The following LOXL1 variants were observed in gnomAD, a reference collection of about 807,000 sequenced individuals.
The protein encoded by LOXL1 is lysyl oxidase homolog 1.
LOXL1 carries 31 observed loss-of-function variants against 62.2 expected under a neutral mutation model. That is an observed-to-expected ratio of 0.50 (90% CI 0.37 to 0.67). The LOEUF is 0.67. Ranked by LOEUF, LOXL1 falls within the 30% of genes least tolerant of loss-of-function variation. The pLI is 0.00. For missense variants in LOXL1, 775 were observed against 843.4 expected (o/e 0.92, Z 1.00); for synonymous variants, 403 against 384.4 (o/e 1.05, Z -0.56).
At chr15:73,941,922 C>T in intron 1 of LOXL1, 1 of 238,078 alleles carries the variant, frequency 4.2e-6, no homozygotes, top group Admixed American at 4.4e-5. Context: ...GGTGGAGGGG[C>T]AGGAACAGGA....
rs527892506 is a variant in LOXL1 at position 73,949,368 on chromosome 15, T to G, written c.1603-91T>G. On this transcript the variant is annotated intron_variant, in intron 5 of 6. Transcript: ENST00000261921. ...TCTCTCTGTCACCTCTCTGTCTGTCTGTCTGCCTCTTTACCACCTTCTCTG... is the reference window on the plus strand; with the variant it reads ...TCTCTCTGTCACCTCTCTGTCTGTCGGTCTGCCTCTTTACCACCTTCTCTG... 3.7e-5 allele frequency: 29 copies of G among 777,724 alleles called. No individual in the cohort carries two copies. The East Asian group carries it at 7.1e-4, about 19-fold the overall frequency. 48.2% of individuals were successfully genotyped at this position (777,724 alleles called of 1,614,324 possible).
rs933905576 is a variant in LOXL1 at position 73,942,923 on chromosome 15, A to T, written c.1172A>T (p.Tyr391Phe). The change falls in exon 2 of 7, where the codon TAC becomes TTC. Residue 391 changes from tyrosine (Y) to phenylalanine (F), a missense_variant. Physicochemically the swap from Tyr to Phe is conservative, Grantham distance 22 (BLOSUM62 3). Coordinates refer to ENST00000261921, the MANE Select transcript of LOXL1 (RefSeq NM_005576.4). ...ASTYVQRAHL[Y>F]SLRCAAEEKC... is the part of the protein sequence containing the mutation. The stretch of plus-strand genomic sequence containing the variant: ...ACTTATGTGCAGAGAGCCCACCTGT[A>T]CTCCCTGCGCTGTGCTGCGGAGGAG... The T allele has an allele frequency of 8.7e-6, 14 of 1,613,758 alleles. No homozygotes were observed. Among genetic ancestry groups the T allele is most frequent in the Non-Finnish European group, 1.1e-5 (13 of 1,179,926 alleles).
chr15:73,947,431 AG>A (rs919629805), intron 4 of LOXL1: 1 of 540,628 alleles, frequency 1.8e-6, no homozygotes, highest in African/African-American at 1.9e-5. Context: ...ATGTTATTCC[AG>A]GTGATCTGCT....
intron 3 of LOXL1, 53 bp downstream of exon 3, chr15:73,946,607 G>A: frequency 6.4e-7 from 1 of 1,550,814 alleles, no homozygotes; most frequent in Non-Finnish European, 8.7e-7. Flanking sequence ...CTGGGCCAGG[G>A]ACCTTGGTGC....
At chr15:73,947,928 C>T (rs780050787) in intron 5 of LOXL1, 26 bp downstream of exon 5, 3 of 1,550,148 alleles carry the variant, frequency 1.9e-6, no homozygotes, top group African/African-American at 2.7e-5. Flanking sequence ...TGGGGCTTTC[C>T]CTCCAACCTG....
At chr15:73,951,400 G>A (rs2068785840) in intron 6 of LOXL1, among the ~76,000 whole-genome samples, 1 of 152,150 alleles carries the variant, frequency 6.6e-6, no homozygotes. Flanking sequence ...CTGACCGCAG[G>A]CAGGCAGCTG....
Position 73,942,953 on chromosome 15 carries a change from G to A in LOXL1, c.1202G>A (p.Cys401Tyr). ...YSLRCAAEEK[C>Y]LASTAYAPEA... is the part of the protein sequence containing the mutation. ...CTGCGCTGTGCTGCGGAGGAGAAGT[G>A]TCTGGCCAGGTAAGGAGCTGAGGCA... is the stretch of plus-strand genomic sequence containing the variant. The change falls in exon 2 of 7, where the codon TGT (cysteine) becomes TAT (tyrosine). Residue 401 changes from cysteine to tyrosine, a missense_variant. Cys to Tyr is a radical substitution (Grantham distance 194). Coordinates refer to ENST00000261921, the MANE Select transcript of LOXL1 (RefSeq NM_005576.4). 1.2e-6 allele frequency: 2 copies of A among 1,613,260 alleles called. No homozygotes were observed. The highest frequency in any genetic ancestry group is 8.5e-7 in the Non-Finnish European group (1 of 1,179,260).
intron 1 of LOXL1, among the ~76,000 whole-genome samples, chr15:73,935,934 GGTGTGTGTGTGTGT>G (rs3056338): frequency 6.1e-5 from 8 of 131,934 alleles, no homozygotes; most frequent in Admixed American, 3.8e-4. Flanking sequence ...AGGTAGAGCT[GGTGTGTGTGTGTGT>G]GTGTGTGTGT....
At chr15:73,940,572 G>A (rs2141630960) in intron 1 of LOXL1, among the ~76,000 whole-genome samples, 1 of 152,270 alleles carries the variant, frequency 6.6e-6, no homozygotes, top group African/African-American at 2.4e-5. Flanking sequence ...CCAGGATCAG[G>A]GCTCGGTGTG....
rs3056338 is a variant in LOXL1, at chr15:73,935,934, GGT to G, written c.1103-6881_1103-6880del. Among the ~76,000 whole-genome samples, 442 of 131,922 alleles carry G rather than the reference GGT, an allele frequency of 3.4e-3. 2 individuals are homozygous for G. The highest frequency in any genetic ancestry group is 6.5e-3 in the South Asian group (24 of 3,714). The allele number at this position is 131,922 out of a possible 152,430, so 86.5% of individuals were successfully genotyped here. A position where few individuals can be genotyped will look rare whatever the true frequency, so the allele number is the denominator to read the frequency against. ...TGTGTGCCTCTGCATAGGTAGAGCT[GGT>G]GTGTGTGTGTGTGTGTGTGTGTGTG... is the stretch of plus-strand genomic sequence containing the variant. On this transcript the variant is annotated intron_variant, in intron 1 of 6. Coordinates refer to ENST00000261921, the MANE Select transcript of LOXL1 (RefSeq NM_005576.4).
chr15:73,951,951 T>C lies in LOXL1; in HGVS notation c.*114T>C, dbSNP rs1437475792. 8 of 942,882 alleles carry C rather than the reference T, an allele frequency of 8.5e-6. No homozygotes were observed. Among genetic ancestry groups the C allele is most frequent in the Admixed American group, 3.9e-5 (1 of 25,466 alleles). The allele number at this position is 942,882 out of a possible 1,614,324, so 58.4% of individuals were successfully genotyped here. A position where few individuals can be genotyped will look rare whatever the true frequency, so the allele number is the denominator to read the frequency against. ...ACCCACAGGCACGGAGGGGCATCCC[T>C]CCCTGCCGGCCTCAGGGAGCGAACG... On this transcript the variant is annotated 3_prime_UTR_variant, in exon 7 of 7. Coordinates refer to ENST00000261921, the MANE Select transcript of LOXL1 (RefSeq NM_005576.4).
At chr15:73,936,498 C>T (rs577866462) in intron 1 of LOXL1, among the ~76,000 whole-genome samples, 7 of 152,322 alleles carry the variant, frequency 4.6e-5, no homozygotes, top group East Asian at 1.9e-4. Flanking sequence ...CAAAACATCC[C>T]GCTCAGCACA....
chr15:73,942,019 C>A, intron 1 of LOXL1: 1 of 195,412 alleles, frequency 5.1e-6, no homozygotes, highest in Non-Finnish European at 1.1e-5. Flanking sequence ...GGGCGCTTGA[C>A]CCCAGGCCTT....
At chr15:73,938,315 C>CTATCTATCTATCTATCTATCTAGA (rs748345626) in intron 1 of LOXL1, among the ~76,000 whole-genome samples, 14 of 140,310 alleles carry the variant, frequency 1.0e-4, no homozygotes, top group Non-Finnish European at 1.7e-4. Flanking sequence ...ATCTATCTAT[C>CTATCTATCTATCTATCTATCTAGA]TAGGTAGATA....
rs1451352606 is a variant in LOXL1 at position 73,945,089 on chromosome 15, TGTATGTGTGC to T, written c.1212-1327_1212-1318del. ...TACCACACATGTGTGTGCATGTGTG[TGTATGTGTGC>T]ATGTGTGTGTGTCTCCCCTCACTGC... On this transcript the variant is annotated intron_variant, in intron 2 of 6. Transcript: ENST00000261921. The surrounding 1 kb of genome is among the most constrained non-coding windows in gnomAD (Gnocchi z 4.3). Among the ~76,000 whole-genome samples the T allele has an allele frequency of 6.6e-6, 1 of 152,138 alleles. No individual in the cohort carries two copies. The highest frequency in any genetic ancestry group is 2.4e-5 in the African/African-American group (1 of 41,436).
chr15:73,927,365 G>A lies in LOXL1; in HGVS notation c.582G>A (p.Ala194=), dbSNP rs1273016299. The change falls in exon 1 of 7, where the codon GCG becomes GCA. Residue 194 remains alanine (A), a synonymous_variant. Transcript: ENST00000261921. ...GCCAGTACGAGAACTACGACCCCGC[G>A]TCGCGGACCTACGACCAGGGTTTCG... ...FVSQYENYDP[A]SRTYDQGFVY... 4 of 1,587,412 alleles carry A rather than the reference G, an allele frequency of 2.5e-6. No individual in the cohort carries two copies. The highest frequency in any genetic ancestry group is 3.5e-5 in the Admixed American group (2 of 57,756).
chr15:73,952,027 C>G lies in LOXL1; in HGVS notation c.*190C>G. 4.7e-6 allele frequency: 2 copies of G among 422,154 alleles called. No individual in the cohort carries two copies. Among genetic ancestry groups the G allele is most frequent in the East Asian group, 3.5e-5 (1 of 28,322 alleles). The allele number at this position is 422,154 out of a possible 1,614,324, so 26.2% of individuals were successfully genotyped here. A position where few individuals can be genotyped will look rare whatever the true frequency, so the allele number is the denominator to read the frequency against. ...ACGCCAGACCCCATTTTATACTTCACTTTTCTCTACAGTGTTGTTTTGTTG... is the reference window on the plus strand; with the variant it reads ...ACGCCAGACCCCATTTTATACTTCAGTTTTCTCTACAGTGTTGTTTTGTTG... On this transcript the variant is annotated 3_prime_UTR_variant, in exon 7 of 7. Transcript: ENST00000261921.
intron 6 of LOXL1, among the ~76,000 whole-genome samples, chr15:73,950,165 A>ATGC (rs1427646337): frequency 1.3e-5 from 2 of 152,140 alleles, no homozygotes; most frequent in Non-Finnish European, 2.9e-5. Flanking sequence ...ATTTTGGCAC[A>ATGC]TGCTGCTGGG....
chr15:73,948,033 G>A (rs2068760406), intron 5 of LOXL1, 131 bp downstream of exon 5: 2 of 613,738 alleles, frequency 3.3e-6, no homozygotes, highest in Non-Finnish European at 2.8e-6. Context: ...CAGCATCTGA[G>A]GCATCACTTG....
Sources: allele counts gnomAD v4.1 joint callset (sites outside exome capture counted in the v4.1 genomes callset), GRCh38; gene constraint gnomAD v4.1.1; non-coding constraint Gnocchi (gnomAD v3.1); transcripts MANE v1.5; gene names NCBI Gene and HGNC (gene_info 2026-07-23, HGNC 2026-07-21).